POLI: variants seen among roughly 807,000 people sequenced by gnomAD.
POLI encodes the protein DNA polymerase iota.
Under a neutral mutation model 51.6 loss-of-function variants are expected in POLI, and 58 were observed. The ratio of observed to expected loss-of-function variants is 1.12; its 90% confidence interval spans 0.91 to 1.40. The LOEUF (loss-of-function observed/expected upper bound fraction) is 1.40, where lower values mean the gene tolerates loss of function less well. Ranked by LOEUF, POLI falls within the 40% of genes most tolerant of loss-of-function variation. The pLI, the probability that POLI is intolerant of heterozygous loss-of-function variation, is 0.00. For missense variants in POLI, 921 were observed against 871.3 expected, an observed-to-expected ratio of 1.06 and a Z score of -0.72; for synonymous variants, 322 against 299.7, an observed-to-expected ratio of 1.07 and a Z score of -0.77.
intron 3 of POLI, among the ~76,000 whole-genome samples, chr18:54,316,837 G>T (rs374314244): frequency 1.4e-4 from 22 of 152,318 alleles, no homozygotes; most frequent in African/African-American, 4.8e-4. Flanking sequence ...CAGGCAAAAT[G>T]TAGAAAGCAC....
At chr18:54,313,786 A>G (rs1211868105) in intron 3 of POLI, among the ~76,000 whole-genome samples, 2 of 152,080 alleles carry the variant, frequency 1.3e-5, no homozygotes, top group Non-Finnish European at 2.9e-5. Context: ...AATACTACTG[A>G]TTTTTGTACA....
intron 5 of POLI, among the ~76,000 whole-genome samples, chr18:54,281,734 G>A (rs2087507668): frequency 1.4e-5 from 2 of 147,072 alleles, no homozygotes; most frequent in East Asian, 2.1e-4. Context: ...CTTTACTTTC[G>A]AGTTCTTGTA....
At chr18:54,317,921 C>T (rs541603239) in intron 3 of POLI, among the ~76,000 whole-genome samples, 20 of 152,158 alleles carry the variant, frequency 1.3e-4, no homozygotes, top group African/African-American at 1.9e-4. Context: ...TTTTTAGATT[C>T]GCCAAAGCTA....
intron 3 of POLI, among the ~76,000 whole-genome samples, chr18:54,305,860 G>A (rs1291774239): frequency 3.3e-5 from 5 of 151,938 alleles, no homozygotes; most frequent in Admixed American, 2.0e-4. Context: ...CTGGGTTCAC[G>A]CCATTCTCCT....
intron 3 of POLI, among the ~76,000 whole-genome samples, chr18:54,303,498 C>T (rs1041863465): frequency 2.0e-5 from 3 of 151,980 alleles, no homozygotes; most frequent in African/African-American, 7.3e-5. Flanking sequence ...TTTATTATTT[C>T]TGCTGACTAC....
intron 3 of POLI, chr18:54,311,006 C>A: frequency 3.5e-6 from 2 of 568,414 alleles, no homozygotes; most frequent in Non-Finnish European, 4.5e-6. Context: ...GATCCTCCTG[C>A]CTTTGCTTCC....
intron 3 of POLI, among the ~76,000 whole-genome samples, chr18:54,307,068 GT>G (rs1170473329): frequency 6.6e-6 from 1 of 152,080 alleles, no homozygotes; most frequent in Non-Finnish European, 1.5e-5. Context: ...TTTTTGAAGG[GT>G]TTTTTGTGTC....
At chr18:54,310,525 AGCC>A (rs887020540) in intron 3 of POLI, among the ~76,000 whole-genome samples, 4 of 150,646 alleles carry the variant, frequency 2.7e-5, no homozygotes, top group African/African-American at 9.8e-5. Flanking sequence ...TCTGCATTTC[AGCC>A]TTGTTTTATA....
downstream of POLI, among the ~76,000 whole-genome samples, chr18:54,300,612 C>A (rs926690635): frequency 6.6e-6 from 1 of 151,932 alleles, no homozygotes; most frequent in African/African-American, 2.4e-5. Context: ...ACATTTAAGT[C>A]ATATCAAAAT....
chr18:54,319,374 G>A (rs1182672392), intron 3 of POLI, among the ~76,000 whole-genome samples: 1 of 152,150 alleles, frequency 6.6e-6, no homozygotes, highest in Non-Finnish European at 1.5e-5. Context: ...CCATGGTAGA[G>A]AAGGGACATT....
At chr18:54,288,072 G>T (rs1223423643) in intron 8 of POLI, among the ~76,000 whole-genome samples, 1 of 152,160 alleles carries the variant, frequency 6.6e-6, no homozygotes, top group East Asian at 1.9e-4. Context: ...GGAATTGCTG[G>T]ATCATATGGT....
Position 54,297,243 on chromosome 18 carries a change from A to C in POLI, c.*2776A>C. 1 of 983,002 alleles carries C rather than the reference A, an allele frequency of 1.0e-6. No homozygotes were observed. The highest frequency in any genetic ancestry group is 1.8e-5 in the African/African-American group (1 of 56,694). The allele number at this position is 983,002 out of a possible 1,614,324, so 60.9% of individuals were successfully genotyped here. On this transcript the variant is annotated 3_prime_UTR_variant, in exon 10 of 10. Transcript: ENST00000579534. ...ATCTTTCAAGCTTGCTTCTTGCTTG[A>C]TGCTTTCTGCTGCTTTCTTGCTTTT...
In POLI at chr18:54,294,815, ATTTTT is replaced by A. The variant is rs34024782; in HGVS notation, c.*360_*364del. ...GTTGCAATGATATGGTAAAGGACACATTTTTTTTTTTTTTTTCCTGTGAAATGTGG... is the reference window on the plus strand; with the variant it reads ...GTTGCAATGATATGGTAAAGGACACATTTTTTTTTTTCCTGTGAAATGTGG... On this transcript the variant is annotated 3_prime_UTR_variant, in exon 10 of 10. Transcript: ENST00000579534. The A allele has an allele frequency of 3.3e-5, 30 of 911,706 alleles. No homozygotes were observed. The highest frequency in any genetic ancestry group is 6.6e-5 in the Admixed American group (1 of 15,262). The allele number at this position is 911,706 out of a possible 1,614,324, so 56.5% of individuals were successfully genotyped here.
In POLI at chr18:54,295,134, G is replaced by T. The variant is rs866201545; in HGVS notation, c.*667G>T. 7.1e-6 allele frequency: 7 copies of T among 985,388 alleles called. No homozygotes were observed. The Middle Eastern group carries it at 2.1e-3, about 294-fold the overall frequency. 61.0% of individuals were successfully genotyped at this position (985,388 alleles called of 1,614,324 possible). Reference sequence around the variant, plus strand: ...GTATATGTTATAGAGAACAGTGGTAGAAGGAACTCTCCGTGCAAGTAAATT... The same window carrying T: ...GTATATGTTATAGAGAACAGTGGTATAAGGAACTCTCCGTGCAAGTAAATT... On this transcript the variant is annotated 3_prime_UTR_variant, in exon 10 of 10. Coordinates refer to ENST00000579534, the MANE Select transcript of POLI (RefSeq NM_007195.3).
intron 7 of POLI, among the ~76,000 whole-genome samples, chr18:54,286,506 A>G (rs2087750163): frequency 6.6e-6 from 1 of 152,200 alleles, no homozygotes; most frequent in African/African-American, 2.4e-5. Flanking sequence ...CTCTTTAACA[A>G]AAGTAATGTC....
chr18:54,277,242 G>A (rs1467672671), intron 3 of POLI, among the ~76,000 whole-genome samples: 1 of 152,114 alleles, frequency 6.6e-6, no homozygotes, highest in Non-Finnish European at 1.5e-5. Context: ...GTTTTATTCA[G>A]TAATAATTGG....
Position 54,284,207 on chromosome 18 carries a change from G to A in POLI, c.1067+194G>A, listed in dbSNP as rs2087646839. The A allele has an allele frequency of 1.5e-5, 6 of 407,314 alleles. No homozygotes were observed. In the South Asian group the frequency reaches 2.8e-4, roughly 19 times the overall value. 25.2% of individuals were successfully genotyped at this position (407,314 alleles called of 1,614,324 possible). A position where few individuals can be genotyped will look rare whatever the true frequency, so the allele number is the denominator to read the frequency against. On this transcript the variant is annotated intron_variant, in intron 7 of 9. Transcript: ENST00000579534. ...GGTAATAGGGGGTCTTACCTAAATT[G>A]AATTCATTGGTCTTAATTCTGTTAA...
At chr18:54,287,040 G>A (rs1357476635) in intron 7 of POLI, among the ~76,000 whole-genome samples, 1 of 152,110 alleles carries the variant, frequency 6.6e-6, no homozygotes, top group East Asian at 1.9e-4. Context: ...ATTTCTGACA[G>A]CACTCAATTC....
intron 7 of POLI, among the ~76,000 whole-genome samples, chr18:54,286,332 A>G (rs536321264): frequency 3.9e-4 from 60 of 152,298 alleles, no homozygotes; most frequent in Middle Eastern, 3.4e-3. Context: ...TGAATTTGTC[A>G]TATCACTAAA....
Sources: gnomAD v4.1 joint callset for allele counts (sites outside exome capture counted in the v4.1 genomes callset) on GRCh38, gnomAD v4.1.1 for gene constraint, MANE v1.5 for transcripts, NCBI Gene and HGNC (gene_info 2026-07-23, HGNC 2026-07-21) for gene names.